Variants in DCK observed in about 807,000 individuals in gnomAD.
DCK encodes deoxyadenosine kinase.
A neutral mutation model predicts 38.3 loss-of-function variants in DCK; 23 were observed. The observed-to-expected ratio is 0.60, with a 90% CI of 0.43 to 0.85. DCK has a LOEUF of 0.85. Among genes scored for constraint, DCK ranks in the 40% least tolerant of loss-of-function variants. The pLI is 0.00. For missense variants in DCK, 259 were observed against 304.4 expected, an observed-to-expected ratio of 0.85 and a Z score of 1.11; for synonymous variants, 108 against 100.6, an observed-to-expected ratio of 1.07 and a Z score of -0.44.
intron 4 of DCK, among the ~76,000 whole-genome samples, chr4:71,025,161 C>A (rs1195933752): frequency 1.3e-5 from 2 of 151,926 alleles, no homozygotes; most frequent in Non-Finnish European, 2.9e-5. Flanking sequence ...TGTATGTGTG[C>A]TTTTGGGGGA....
chr4:71,020,745 C>T (rs926191528), intron 2 of DCK, among the ~76,000 whole-genome samples: 2 of 152,148 alleles, frequency 1.3e-5, no homozygotes, highest in African/African-American at 4.8e-5. Context: ...GCCTCCCATT[C>T]ATTTTCGATG....
intron 2 of DCK, among the ~76,000 whole-genome samples, chr4:71,006,133 C>CACAA (rs1739933912): frequency 9.6e-6 from 1 of 104,338 alleles, no homozygotes; most frequent in African/African-American, 3.6e-5. Flanking sequence ...ACAAAAACAC[C>CACAA]AAAAAAAAAA....
At chr4:70,999,118 C>G (rs182041146) in intron 2 of DCK, among the ~76,000 whole-genome samples, 3 of 151,958 alleles carry the variant, frequency 2.0e-5, no homozygotes, top group African/African-American at 2.4e-5. Flanking sequence ...TTGCTGCACC[C>G]GTCAACCCGT....
chr4:71,011,359 C>A (rs1740086700), intron 2 of DCK, among the ~76,000 whole-genome samples: 1 of 146,930 alleles, frequency 6.8e-6, no homozygotes, highest in Admixed American at 7.0e-5. Context: ...GATGTGATAA[C>A]TTTTGTTGGC....
At chr4:70,996,659 G>A (rs551197302) in intron 1 of DCK, among the ~76,000 whole-genome samples, 40 of 152,264 alleles carry the variant, frequency 2.6e-4, no homozygotes, top group African/African-American at 8.9e-4. Context: ...TAAGCTGTGC[G>A]TAAACTATTT....
At chr4:71,012,830 A>T (rs905603711) in intron 2 of DCK, among the ~76,000 whole-genome samples, 3 of 152,242 alleles carry the variant, frequency 2.0e-5, no homozygotes, top group Admixed American at 6.5e-5. Context: ...CAGAGCAGAA[A>T]AGCTGAAAAT....
intron 2 of DCK, among the ~76,000 whole-genome samples, chr4:71,016,121 C>T (rs1352373414): frequency 2.0e-5 from 3 of 152,190 alleles, no homozygotes; most frequent in Admixed American, 2.0e-4. Flanking sequence ...AAATCACAAG[C>T]ATTCTTATAC....
intron 3 of DCK, 64 bp from the exon 4 acceptor site, chr4:71,023,495 C>CT (rs1469934071): frequency 1.4e-5 from 16 of 1,110,344 alleles, no homozygotes; most frequent in Non-Finnish European, 2.0e-5. Context: ...TTCCTGTTCT[C>CT]TTTTTTATTT....
chr4:71,007,458 C>T (rs552405552), intron 2 of DCK, among the ~76,000 whole-genome samples: 3 of 152,160 alleles, frequency 2.0e-5, no homozygotes, highest in East Asian at 1.9e-4. Flanking sequence ...TTCTTTCCTA[C>T]GTTACTACTC....
chr4:71,010,166 C>CTT (rs367836620), intron 2 of DCK, among the ~76,000 whole-genome samples: 15,785 of 135,290 alleles, frequency 0.12, 2,057 homozygotes, highest in African/African-American at 0.32. Context: ...GCTGTTTTAG[C>CTT]TTTTTTTTTT....
intron 4 of DCK, among the ~76,000 whole-genome samples, chr4:71,024,888 G>A (rs527708059): frequency 6.6e-6 from 1 of 152,086 alleles, no homozygotes; most frequent in African/African-American, 2.4e-5. Flanking sequence ...TTAAAGTTAT[G>A]AAAATAGTAC....
chr4:70,994,249 A>T (rs149746268), intron 1 of DCK, among the ~76,000 whole-genome samples: 1,556 of 152,294 alleles, frequency 0.01, 10 homozygotes, highest in Non-Finnish European at 0.018. Flanking sequence ...GGTGTAACTT[A>T]CATTAAATTC....
intron 4 of DCK, 27 bp from the exon 5 acceptor site, chr4:71,025,789 C>G: frequency 6.4e-7 from 1 of 1,568,398 alleles, no homozygotes; most frequent in Non-Finnish European, 8.6e-7. Flanking sequence ...CTGCCTTTTT[C>G]TTCCATCTCT....
At chr4:71,023,731 C>A in intron 4 of DCK, 25 bp downstream of exon 4, 1 of 1,590,916 alleles carries the variant, frequency 6.3e-7, no homozygotes. Flanking sequence ...AAATGTGTTT[C>A]ACTGAAAATT....
intron 2 of DCK, among the ~76,000 whole-genome samples, chr4:71,015,113 C>G (rs923722254): frequency 1.3e-5 from 2 of 152,150 alleles, no homozygotes; most frequent in Non-Finnish European, 2.9e-5. Context: ...CACAGAAATA[C>G]AAACTACCAT....
At chr4:71,008,581 T>TG (rs1250523306) in intron 2 of DCK, among the ~76,000 whole-genome samples, 1 of 152,218 alleles carries the variant, frequency 6.6e-6, no homozygotes, top group Non-Finnish European at 1.5e-5. Context: ...CTTTTATTTC[T>TG]GGGGTCAGCT....
At position 71,022,375 on chromosome 4, in the gene DCK, A is replaced by G. The variant is rs759796805; in HGVS notation, c.216A>G (p.Thr72=). The change falls in exon 3 of 7, where the codon ACA becomes ACG. Residue 72 remains threonine, a synonymous_variant. Transcript: ENST00000286648. The part of the protein sequence containing the change: ...QSTQDEFEEL[T]MSQKNGGNVL... ...TTGCACATTCAAAATAGGAACTTAC[A>G]ATGTCTCAGAAAAATGGTGGGAATG... 9 of 1,516,160 alleles carry G rather than the reference A, an allele frequency of 5.9e-6. No homozygotes were observed. The highest frequency in any genetic ancestry group is 1.3e-5 in the South Asian group (1 of 75,316). 93.9% of individuals were successfully genotyped at this position (1,516,160 alleles called of 1,614,324 possible). A position where few individuals can be genotyped will look rare whatever the true frequency, so the allele number is the denominator to read the frequency against.
chr4:71,018,525 A>G (rs1740331690), intron 2 of DCK, among the ~76,000 whole-genome samples: 1 of 152,078 alleles, frequency 6.6e-6, no homozygotes, highest in African/African-American at 2.4e-5. Context: ...ACTGCTTTCT[A>G]TCTAACCATG....
Position 71,022,427 on chromosome 4 carries a change from G to A in DCK, c.268G>A (p.Glu90Lys). The A allele has an allele frequency of 1.2e-6, 2 of 1,606,188 alleles. No individual in the cohort carries two copies. The highest frequency in any genetic ancestry group is 1.7e-6 in the Non-Finnish European group (2 of 1,177,020). Residue 90 changes from glutamate to lysine, a missense_variant, in exon 3 of 7, where the codon GAA (glutamate) becomes AAA (lysine). Coordinates refer to ENST00000286648, the MANE Select transcript of DCK (RefSeq NM_000788.3). ...NVLQMMYEKP[E>K]RWSFTFQTYA... ...TCTTCAGATGATGTATGAGAAACCTGAACGATGGTCTTTTACCTTCCAAAC... is the reference window on the plus strand; with the variant it reads ...TCTTCAGATGATGTATGAGAAACCTAAACGATGGTCTTTTACCTTCCAAAC...
Sources: gnomAD v4.1 joint callset for allele counts (sites outside exome capture counted in the v4.1 genomes callset) on GRCh38, gnomAD v4.1.1 for gene constraint, MANE v1.5 for transcripts, NCBI Gene and HGNC (gene_info 2026-07-23, HGNC 2026-07-21) for gene names.